The following FNIP1 variants were observed in gnomAD, a reference collection of about 807,000 sequenced individuals.
FNIP1 encodes folliculin-interacting protein 1.
A neutral mutation model predicts 124.5 loss-of-function variants in FNIP1; 40 were observed. The observed-to-expected ratio is 0.32, with a 90% CI of 0.25 to 0.42. The LOEUF is 0.42. FNIP1 is among the 10% of genes least tolerant of loss of function. The pLI is 1.00. For missense variants in FNIP1, 1,176 were observed against 1,403.7 expected (o/e 0.84, Z 2.59); for synonymous variants, 472 against 470.6 (o/e 1.00, Z -0.04).
chr5:131,719,426 TA>T lies in FNIP1; in HGVS notation c.355-10del. On this transcript the variant is annotated splice_polypyrimidine_tract_variant and intron_variant, in intron 3 of 17. Transcript: ENST00000510461. The stretch of plus-strand genomic sequence containing the variant: ...GAAGAGCACCGAGAACCCTAAACAA[TA>T]ACCACATATTAACAAACTGTGTTAA... The T allele has an allele frequency of 1.3e-6, 2 of 1,591,324 alleles. No homozygotes were observed. Among genetic ancestry groups the T allele is most frequent in the Non-Finnish European group, 1.7e-6 (2 of 1,172,490 alleles).
At chr5:131,722,171 T>G (rs750612338) in intron 3 of FNIP1, among the ~76,000 whole-genome samples, 1 of 152,206 alleles carries the variant, frequency 6.6e-6, no homozygotes, top group Non-Finnish European at 1.5e-5. Flanking sequence ...CAGTAAGATG[T>G]AAATGGAAGT....
At chr5:131,778,362 A>G (rs1188945061) in intron 1 of FNIP1, among the ~76,000 whole-genome samples, 1 of 152,222 alleles carries the variant, frequency 6.6e-6, no homozygotes, top group Non-Finnish European at 1.5e-5. Context: ...GGAAGAAAGA[A>G]GACATTTATG....
At chr5:131,761,424 C>G (rs908657158) in intron 1 of FNIP1, among the ~76,000 whole-genome samples, 1 of 152,094 alleles carries the variant, frequency 6.6e-6, no homozygotes, top group Non-Finnish European at 1.5e-5. Context: ...AGTACAGTTG[C>G]AGGATAAAAA....
Position 131,644,413 on chromosome 5 carries a change from T to G in FNIP1, c.*272A>C, listed in dbSNP as rs1766808797. 6 of 271,496 alleles carry G rather than the reference T, an allele frequency of 2.2e-5. No homozygotes were observed. The South Asian group carries it at 3.2e-4, about 14-fold the overall frequency. The allele number at this position is 271,496 out of a possible 1,614,324, so 16.8% of individuals were successfully genotyped here. A position where few individuals can be genotyped will look rare whatever the true frequency, so the allele number is the denominator to read the frequency against. ...TTGATAATATTCATTTTGTAGAAAT[T>G]TCTACCGTACACTTTGGCTTTTTCA... On this transcript the variant is annotated 3_prime_UTR_variant, in exon 18 of 18. Coordinates refer to ENST00000510461, the MANE Select transcript of FNIP1 (RefSeq NM_133372.3).
At chr5:131,777,465 T>G (rs959049998) in intron 1 of FNIP1, among the ~76,000 whole-genome samples, 1 of 151,986 alleles carries the variant, frequency 6.6e-6, no homozygotes, top group African/African-American at 2.4e-5. Context: ...CGAAAAAAAC[T>G]ACTAAGGTAA....
In FNIP1 at chr5:131,767,238, C is replaced by T. The variant is rs181547103; in HGVS notation, c.93-22548G>A. Among the ~76,000 whole-genome samples, 723 of 151,844 alleles carry T rather than the reference C, an allele frequency of 4.8e-3. 5 individuals carry two copies. Among genetic ancestry groups the T allele is most frequent in the African/African-American group, 0.017 (686 of 41,438 alleles). ...CACGAGGTCAAGAGATCAAGACCAT[C>T]CTGGCCAACATGGTGAAACCCTGTC... is the stretch of plus-strand genomic sequence containing the variant. On this transcript the variant is annotated intron_variant, in intron 1 of 17. Transcript: ENST00000510461.
intron 1 of FNIP1, among the ~76,000 whole-genome samples, chr5:131,765,025 C>G (rs950778152): frequency 6.6e-6 from 1 of 152,180 alleles, no homozygotes; most frequent in East Asian, 1.9e-4. Flanking sequence ...GAGTTCAAGA[C>G]CAGCCTGGGC....
At position 131,751,052 on chromosome 5, in the gene FNIP1, G is replaced by T. The variant is rs150676749; in HGVS notation, c.93-6362C>A. Among the ~76,000 whole-genome samples the T allele has an allele frequency of 3.9e-4, 59 of 152,220 alleles. 1 individual carries two copies. The highest frequency in any genetic ancestry group is 1.4e-3 in the African/African-American group (58 of 41,522). ...TCCTTTGGTCTCCCAGACACCCAAAGAATAAAATCCAAGTTCCTTTGCTTA... is the reference window on the plus strand; with the variant it reads ...TCCTTTGGTCTCCCAGACACCCAAATAATAAAATCCAAGTTCCTTTGCTTA... On this transcript the variant is annotated intron_variant, in intron 1 of 17. Coordinates refer to ENST00000510461, the MANE Select transcript of FNIP1 (RefSeq NM_133372.3).
chr5:131,780,343 A>G lies in FNIP1; in HGVS notation c.92+16487T>C, dbSNP rs559506719. Reference sequence around the variant, plus strand: ...GATTCATCTCAGAACCCAGAGAAGCAAAGTCCCTGGAAGCATAAAGTACCT... The same window carrying G: ...GATTCATCTCAGAACCCAGAGAAGCGAAGTCCCTGGAAGCATAAAGTACCT... On this transcript the variant is annotated intron_variant, in intron 1 of 17. Transcript: ENST00000510461. Among the ~76,000 whole-genome samples, 238 of 152,324 alleles carry G rather than the reference A, an allele frequency of 1.6e-3. 3 individuals are homozygous for G. In the South Asian group the frequency reaches 0.047, roughly 30 times the overall value.
intron 10 of FNIP1, among the ~76,000 whole-genome samples, chr5:131,701,671 T>C (rs758694551): frequency 3.3e-5 from 5 of 152,230 alleles, no homozygotes; most frequent in Non-Finnish European, 7.3e-5. Context: ...TAATGAGTTA[T>C]TGAGATACAT....
At chr5:131,756,163 G>T (rs1290432230) in intron 1 of FNIP1, among the ~76,000 whole-genome samples, 2 of 152,156 alleles carry the variant, frequency 1.3e-5, no homozygotes, top group Non-Finnish European at 1.5e-5. Flanking sequence ...TTCAGTGGAG[G>T]CAGTGGGGAA....
intron 1 of FNIP1, among the ~76,000 whole-genome samples, chr5:131,775,269 T>A (rs913618547): frequency 6.6e-6 from 1 of 152,126 alleles, no homozygotes; most frequent in Non-Finnish European, 1.5e-5. Flanking sequence ...TTTTGCCCCC[T>A]GGCAAACAGT....
chr5:131,670,390 T>C (rs1767715164), intron 15 of FNIP1, 73 bp downstream of exon 15: 2 of 1,335,184 alleles, frequency 1.5e-6, no homozygotes, highest in South Asian at 1.8e-5. Flanking sequence ...ACCAAAAATA[T>C]AAGGCAATTT....
At chr5:131,698,889 G>A in intron 11 of FNIP1, 28 bp downstream of exon 11, 3 of 1,559,024 alleles carry the variant, frequency 1.9e-6, no homozygotes, top group Non-Finnish European at 2.6e-6. Flanking sequence ...ATGAATTACT[G>A]CATTATGGAA....
At chr5:131,656,591 T>G (rs40989) in intron 15 of FNIP1, among the ~76,000 whole-genome samples, 119,330 of 152,042 alleles carry the variant, frequency 0.78, 47,073 homozygotes, top group African/African-American at 0.83. Context: ...GCTAGGAAAG[T>G]ATGGTTTGAT....
At chr5:131,699,042 T>C in intron 10 of FNIP1, 40 bp from the exon 11 acceptor site, 29 of 1,535,956 alleles carry the variant, frequency 1.9e-5, no homozygotes, top group Non-Finnish European at 2.2e-5. Context: ...CTTATGTTAA[T>C]CATGAGCAAA....
Position 131,709,370 on chromosome 5 carries a change from T to C in FNIP1, c.707-98A>G. 3.1e-6 allele frequency: 3 copies of C among 974,746 alleles called. No individual in the cohort carries two copies. In the South Asian group the frequency reaches 4.1e-5, roughly 13 times the overall value. The allele number at this position is 974,746 out of a possible 1,614,324, so 60.4% of individuals were successfully genotyped here. A position where few individuals can be genotyped will look rare whatever the true frequency, so the allele number is the denominator to read the frequency against. On this transcript the variant is annotated intron_variant, in intron 7 of 17. Coordinates refer to ENST00000510461, the MANE Select transcript of FNIP1 (RefSeq NM_133372.3). The stretch of plus-strand genomic sequence containing the variant: ...AGCAAACGAAATCATGCTCATCTCA[T>C]TGCATTCCCTTATTTTTTTCAATAG...
chr5:131,677,136 CTG>C (rs1767935205), intron 13 of FNIP1, among the ~76,000 whole-genome samples: 1 of 152,170 alleles, frequency 6.6e-6, no homozygotes, highest in Non-Finnish European at 1.5e-5. Context: ...AATAAGGAAA[CTG>C]TGATTCAAAT....
At chr5:131,649,532 T>A (rs568016849) in intron 16 of FNIP1, among the ~76,000 whole-genome samples, 1 of 152,270 alleles carries the variant, frequency 6.6e-6, no homozygotes, top group East Asian at 1.9e-4. Context: ...GTTGTAGGAG[T>A]TATTTATATA....
Sources: gnomAD v4.1 joint callset for allele counts (sites outside exome capture counted in the v4.1 genomes callset) on GRCh38, gnomAD v4.1.1 for gene constraint, MANE v1.5 for transcripts, NCBI Gene and HGNC (gene_info 2026-07-23, HGNC 2026-07-21) for gene names.